The following ITPR2 variants were observed in gnomAD, a reference collection of about 807,000 sequenced individuals.
ITPR2 encodes the protein inositol 1,4,5-trisphosphate receptor type 2.
A neutral mutation model predicts 317.1 loss-of-function variants in ITPR2; 207 were observed. The observed-to-expected ratio is 0.65, with a 90% CI of 0.58 to 0.73. ITPR2 has a LOEUF of 0.73. Ranked by LOEUF, ITPR2 falls within the 30% of genes least tolerant of loss-of-function variation. ITPR2 has a pLI of 0.00. For synonymous variants in ITPR2, 1,156 were observed against 1,149.1 expected (o/e 1.01, Z -0.12); for missense variants, 2,613 against 3,284.0 (o/e 0.80, Z 4.99).
intron 55 of ITPR2, among the ~76,000 whole-genome samples, chr12:26,363,344 A>T (rs1028856978): frequency 2.6e-5 from 4 of 152,198 alleles, no homozygotes; most frequent in African/African-American, 9.6e-5. Context: ...CTGATTGTAC[A>T]TTATAGTGAG....
At chr12:26,500,096 C>T (rs1329709960) in intron 37 of ITPR2, among the ~76,000 whole-genome samples, 1 of 152,218 alleles carries the variant, frequency 6.6e-6, no homozygotes, top group Non-Finnish European at 1.5e-5. Flanking sequence ...ACTGACTTCT[C>T]TTGTCAACTA....
rs192628740 is a variant in ITPR2 at position 26,507,021 on chromosome 12, C to T, written c.5074-11761G>A. Among the ~76,000 whole-genome samples, 1,306 of 152,136 alleles carry T rather than the reference C, an allele frequency of 8.6e-3. 9 individuals are homozygous for T. Among genetic ancestry groups the T allele is most frequent in the Non-Finnish European group, 0.012 (801 of 67,982 alleles). ...CATTTCATTTCTTTAGTGTTCATTGCTACATTAAAAATTATATAAATCTAA... is the reference window on the plus strand; with the variant it reads ...CATTTCATTTCTTTAGTGTTCATTGTTACATTAAAAATTATATAAATCTAA... On this transcript the variant is annotated intron_variant, in intron 37 of 56. Coordinates refer to ENST00000381340, the MANE Select transcript of ITPR2 (RefSeq NM_002223.4).
At chr12:26,548,692 G>A (rs1027163886) in intron 37 of ITPR2, among the ~76,000 whole-genome samples, 1 of 152,072 alleles carries the variant, frequency 6.6e-6, no homozygotes, top group Non-Finnish European at 1.5e-5. Context: ...TGCATAAATG[G>A]GGACCCTTGG....
intron 36 of ITPR2, among the ~76,000 whole-genome samples, chr12:26,550,771 T>A (rs1295796052): frequency 6.6e-6 from 1 of 152,166 alleles, no homozygotes; most frequent in African/African-American, 2.4e-5. Context: ...TAGCAGTGGC[T>A]GTATACAACT....
At chr12:26,424,351 G>A (rs1315020078) in intron 49 of ITPR2, among the ~76,000 whole-genome samples, 1 of 152,094 alleles carries the variant, frequency 6.6e-6, no homozygotes, top group Non-Finnish European at 1.5e-5. Context: ...TTGTCAGGTA[G>A]ATGTCTTCTT....
intron 2 of ITPR2, among the ~76,000 whole-genome samples, chr12:26,749,795 T>C (rs908636494): frequency 4.6e-5 from 7 of 152,250 alleles, no homozygotes; most frequent in African/African-American, 9.6e-5. Context: ...AACACAGTTA[T>C]AGAAATTACT....
At position 26,661,282 on chromosome 12, in the gene ITPR2, G is replaced by GT. The variant is rs1947494372; in HGVS notation, c.1714-1998_1714-1997insA. Among the ~76,000 whole-genome samples, 3 of 112,438 alleles carry GT rather than the reference G, an allele frequency of 2.7e-5. No homozygotes were observed. In the South Asian group the frequency reaches 1.3e-3, roughly 50 times the overall value. 73.8% of individuals were successfully genotyped at this position (112,438 alleles called of 152,430 possible). On this transcript the variant is annotated intron_variant, in intron 15 of 56. Coordinates refer to ENST00000381340, the MANE Select transcript of ITPR2 (RefSeq NM_002223.4). Reference sequence around the variant, plus strand: ...TAGGTAGGGGTGTGTGTGTGGGGGGGGGGGGGTGGGAGGGAACGGGCACGT... The same window carrying GT: ...TAGGTAGGGGTGTGTGTGTGGGGGGGTGGGGGGTGGGAGGGAACGGGCACGT...
intron 32 of ITPR2, among the ~76,000 whole-genome samples, chr12:26,582,058 A>C (rs11048591): frequency 0.31 from 46,310 of 149,256 alleles, 7,357 homozygotes; most frequent in Middle Eastern, 0.44. Flanking sequence ...GGGTTATGAA[A>C]AGTCTGTGTT....
intron 2 of ITPR2, among the ~76,000 whole-genome samples, chr12:26,728,554 C>T (rs1279296278): frequency 1.3e-5 from 2 of 152,190 alleles, no homozygotes; most frequent in Non-Finnish European, 2.9e-5. Flanking sequence ...GTGGGGCACA[C>T]ACAGACTTCT....
chr12:26,744,917 G>T (rs1388974372), intron 2 of ITPR2, among the ~76,000 whole-genome samples: 1 of 152,210 alleles, frequency 6.6e-6, no homozygotes, highest in African/African-American at 2.4e-5. Context: ...GAGTATGGAG[G>T]ACAACAATTT....
intron 9 of ITPR2, among the ~76,000 whole-genome samples, chr12:26,697,727 G>A (rs111338052): frequency 9.2e-5 from 14 of 152,174 alleles, no homozygotes; most frequent in African/African-American, 3.4e-4. Flanking sequence ...AGACTTGCTT[G>A]AACCCAGGAG....
chr12:26,592,507 A>G (rs1945732776), intron 32 of ITPR2, among the ~76,000 whole-genome samples: 1 of 152,342 alleles, frequency 6.6e-6, no homozygotes, highest in South Asian at 2.1e-4. Flanking sequence ...CTGTATCAAA[A>G]TATCTCCTGT....
intron 46 of ITPR2, among the ~76,000 whole-genome samples, chr12:26,443,055 A>G (rs7974048): frequency 0.67 from 102,410 of 151,914 alleles, 37,446 homozygotes; most frequent in Non-Finnish European, 0.84. Context: ...AGGGTGGTGG[A>G]GGGGTCAAGT....
chr12:26,689,026 A>T (rs1373204513), intron 10 of ITPR2, among the ~76,000 whole-genome samples: 2 of 152,246 alleles, frequency 1.3e-5, no homozygotes, highest in Non-Finnish European at 2.9e-5. Context: ...ACTATGTGAC[A>T]TGATGGATAC....
At position 26,556,327 on chromosome 12, in the gene ITPR2, C is replaced by T. The variant is rs764872829; in HGVS notation, c.4870G>A (p.Glu1624Lys). 5.6e-6 allele frequency: 9 copies of T among 1,614,022 alleles called. No individual in the cohort carries two copies. Among genetic ancestry groups the T allele is most frequent in the Non-Finnish European group, 6.8e-6 (8 of 1,179,944 alleles). The change falls in exon 36 of 57, where the codon GAA (glutamate) becomes AAA (lysine). Residue 1624 changes from glutamate (E) to lysine (K), a missense_variant. Transcript: ENST00000381340. ...EHQFSPMMQA[E>K]FSVLVDVLYS... ...AATACATCAACCAACACTGAGAATT[C>T]AGCCTGCATCATTGGGCTGAACTGG...
At chr12:26,514,040 A>G (rs1943428212) in intron 37 of ITPR2, among the ~76,000 whole-genome samples, 1 of 152,230 alleles carries the variant, frequency 6.6e-6, no homozygotes, top group African/African-American at 2.4e-5. Flanking sequence ...TGTCAATTAA[A>G]TCTGTATCTT....
At chr12:26,457,640 G>A (rs988638117) in intron 45 of ITPR2, among the ~76,000 whole-genome samples, 2 of 152,176 alleles carry the variant, frequency 1.3e-5, no homozygotes, top group South Asian at 2.1e-4. Flanking sequence ...ATTGAAGGAT[G>A]TGGGCAGATT....
In ITPR2 at chr12:26,385,663, T is replaced by C. The variant is rs539031457; in HGVS notation, c.7857+1771A>G. On this transcript the variant is annotated intron_variant, in intron 55 of 56. Coordinates refer to ENST00000381340, the MANE Select transcript of ITPR2 (RefSeq NM_002223.4). ...AGAGTTTCCCTATAAGTGGACCATGTGCCAGTGAAACTGGGCAACTCACGA... is the reference window on the plus strand; with the variant it reads ...AGAGTTTCCCTATAAGTGGACCATGCGCCAGTGAAACTGGGCAACTCACGA... 3.6e-4 allele frequency among the ~76,000 whole-genome samples: 55 copies of C among 152,336 alleles called. 1 individual carries two copies. In the South Asian group the frequency reaches 0.011, roughly 30 times the overall value.
chr12:26,535,340 G>A (rs1405902404), intron 37 of ITPR2, among the ~76,000 whole-genome samples: 1 of 152,108 alleles, frequency 6.6e-6, no homozygotes, highest in Non-Finnish European at 1.5e-5. Context: ...TTAGTGTACG[G>A]TCGAGGTCAC....
Sources: allele counts gnomAD v4.1 joint callset (sites outside exome capture counted in the v4.1 genomes callset), GRCh38; gene constraint gnomAD v4.1.1; transcripts MANE v1.5; gene names NCBI Gene and HGNC (gene_info 2026-07-23, HGNC 2026-07-21).